NMNAT2: variants seen among roughly 807,000 people sequenced by gnomAD.
The protein encoded by NMNAT2 is nicotinamide nucleotide adenylyltransferase 2.
In NMNAT2, 11 loss-of-function variants were observed where a neutral mutation model predicts 41.6. The ratio of observed to expected loss-of-function variants is 0.26; its 90% CI spans 0.17 to 0.44. NMNAT2 has a LOEUF of 0.44. Ranked by LOEUF, NMNAT2 falls within the 20% of genes least tolerant of loss-of-function variation. NMNAT2 has a pLI of 1.00. For synonymous variants in NMNAT2, 148 were observed against 151.2 expected (o/e 0.98, Z 0.16); for missense variants, 288 against 407.7 (o/e 0.71, Z 2.53).
intron 1 of NMNAT2, among the ~76,000 whole-genome samples, chr1:183,338,085 T>C (rs1474119185): frequency 2.1e-5 from 3 of 142,972 alleles, no homozygotes; most frequent in African/African-American, 7.8e-5. Context: ...TCTGTAGTCC[T>C]AGCTACAGGA....
At chr1:183,330,804 A>G (rs1201784386) in intron 1 of NMNAT2, among the ~76,000 whole-genome samples, 2 of 152,172 alleles carry the variant, frequency 1.3e-5, no homozygotes, top group Middle Eastern at 3.2e-3. Context: ...TTCTATTCCA[A>G]TTGGCAGCTC....
intron 1 of NMNAT2, among the ~76,000 whole-genome samples, chr1:183,334,879 C>T (rs572945658): frequency 6.6e-6 from 1 of 152,238 alleles, no homozygotes; most frequent in South Asian, 2.1e-4. Context: ...TGGGAGACTC[C>T]ACGGTGCCCT....
intron 1 of NMNAT2, among the ~76,000 whole-genome samples, chr1:183,404,218 C>T (rs1648893701): frequency 6.6e-6 from 1 of 151,768 alleles, no homozygotes; most frequent in Admixed American, 6.6e-5. Context: ...CCTGCCTCAG[C>T]CTCCTGAGTA....
At chr1:183,282,166 C>T (rs1279177510) in intron 7 of NMNAT2, among the ~76,000 whole-genome samples, 1 of 152,236 alleles carries the variant, frequency 6.6e-6, no homozygotes, top group African/African-American at 2.4e-5. Flanking sequence ...CCACACTGTC[C>T]TTTCTCCATC....
chr1:183,353,244 G>T (rs1336509166), intron 1 of NMNAT2, among the ~76,000 whole-genome samples: 1 of 152,080 alleles, frequency 6.6e-6, no homozygotes, highest in East Asian at 1.9e-4. Flanking sequence ...CTGACCTCAA[G>T]ATCCACCCGC....
rs762026978 is a variant in NMNAT2 at position 183,418,202 on chromosome 1, T to C, written c.66A>G (p.Lys22=). Reference sequence around the variant, plus strand: ...ACTCACCAAACATCTGAATGTGCCCTTTGGTGATGGGATTGAAGCTGCCGC... The same window carrying C: ...ACTCACCAAACATCTGAATGTGCCCCTTGGTGATGGGATTGAAGCTGCCGC... ...LACGSFNPIT[K]GHIQMFERAR... is the part of the protein sequence containing the mutation. Residue 22 remains lysine, a synonymous_variant, in exon 1 of 11, where the codon AAA becomes AAG. Transcript: ENST00000287713. 1.9e-6 allele frequency: 3 copies of C among 1,613,342 alleles called. No homozygotes were observed. The highest frequency in any genetic ancestry group is 1.6e-4 in the Middle Eastern group (1 of 6,062).
chr1:183,263,246 A>T (rs1296238651), intron 8 of NMNAT2, among the ~76,000 whole-genome samples: 1 of 152,202 alleles, frequency 6.6e-6, no homozygotes, highest in Non-Finnish European at 1.5e-5. Context: ...CCCCCATTGG[A>T]TCATGTAATC....
chr1:183,281,903 T>C (rs1432330449), intron 7 of NMNAT2, among the ~76,000 whole-genome samples: 2 of 152,166 alleles, frequency 1.3e-5, no homozygotes, highest in Non-Finnish European at 2.9e-5. Context: ...GGCAGCGAGC[T>C]CCCTTCCAGC....
intron 1 of NMNAT2, among the ~76,000 whole-genome samples, chr1:183,305,359 G>A (rs1661970481): frequency 6.6e-6 from 1 of 152,042 alleles, no homozygotes; most frequent in Non-Finnish European, 1.5e-5. Context: ...ACAGGAGGAG[G>A]ACATGTGATG....
chr1:183,269,921 T>C (rs982063885), intron 8 of NMNAT2, among the ~76,000 whole-genome samples: 2 of 152,196 alleles, frequency 1.3e-5, no homozygotes, highest in Admixed American at 6.5e-5. Flanking sequence ...TCTCGCTCTG[T>C]AGCCCAGGCT....
chr1:183,343,034 T>C (rs966500525), intron 1 of NMNAT2, among the ~76,000 whole-genome samples: 5 of 152,096 alleles, frequency 3.3e-5, no homozygotes, highest in African/African-American at 1.2e-4. Context: ...CATTACACCA[T>C]CCAGCCTCAA....
intron 1 of NMNAT2, among the ~76,000 whole-genome samples, chr1:183,344,322 T>C (rs1007841490): frequency 1.3e-5 from 2 of 152,128 alleles, no homozygotes; most frequent in African/African-American, 2.4e-5. Flanking sequence ...AGGTACAGTA[T>C]AACAGGGATT....
Position 183,303,551 on chromosome 1 carries a change from A to G in NMNAT2, c.86-9758T>C, listed in dbSNP as rs145833059. The stretch of plus-strand genomic sequence containing the variant: ...ATTTGAACACAGAATTTTTGACTCT[A>G]AGGTGAGTGCTTATTCGATTTGGTC... On this transcript the variant is annotated intron_variant, in intron 1 of 10. Coordinates refer to ENST00000287713, the MANE Select transcript of NMNAT2 (RefSeq NM_015039.4). Among the ~76,000 whole-genome samples the G allele has an allele frequency of 9.8e-5, 15 of 152,330 alleles. No homozygotes were observed. In the East Asian group the frequency reaches 2.9e-3, roughly 29 times the overall value.
chr1:183,352,421 G>A (rs888413020), intron 1 of NMNAT2, among the ~76,000 whole-genome samples: 2 of 152,000 alleles, frequency 1.3e-5, no homozygotes, highest in African/African-American at 4.8e-5. Context: ...AAATCAGCCA[G>A]GTGTAGTGGC....
intron 1 of NMNAT2, among the ~76,000 whole-genome samples, chr1:183,343,201 G>A (rs1459215019): frequency 2.0e-5 from 3 of 152,132 alleles, no homozygotes; most frequent in African/African-American, 7.2e-5. Context: ...ACCAAGCCGT[G>A]TACTGGTGAT....
rs543647140 is a variant in NMNAT2 at position 183,289,586 on chromosome 1, G to A, written c.321+542C>T. ...TTACCCACTAATAAAACAGGCATCAGACACCATCTGCCTGTGGGGCTCTTG... is the reference window on the plus strand; with the variant it reads ...TTACCCACTAATAAAACAGGCATCAAACACCATCTGCCTGTGGGGCTCTTG... On this transcript the variant is annotated intron_variant, in intron 4 of 10. Coordinates refer to ENST00000287713, the MANE Select transcript of NMNAT2 (RefSeq NM_015039.4). 1.4e-3 allele frequency among the ~76,000 whole-genome samples: 217 copies of A among 152,352 alleles called. 1 individual carries two copies. The highest frequency in any genetic ancestry group is 4.9e-3 in the African/African-American group (204 of 41,586).
chr1:183,402,200 G>C (rs1203306097), intron 1 of NMNAT2, among the ~76,000 whole-genome samples: 1 of 152,140 alleles, frequency 6.6e-6, no homozygotes, highest in African/African-American at 2.4e-5. Context: ...GACTAGGAGA[G>C]ACCAGAGACC....
Position 183,367,389 on chromosome 1 carries a change from T to C in NMNAT2, c.85+50794A>G, listed in dbSNP as rs191882204. The stretch of plus-strand genomic sequence containing the variant: ...AGGAGAATCGCTTGAACCCAGGAGG[T>C]GAAGTTTGCAGTGAGCCGAGATCGT... On this transcript the variant is annotated intron_variant, in intron 1 of 10. Coordinates refer to ENST00000287713, the MANE Select transcript of NMNAT2 (RefSeq NM_015039.4). Among the ~76,000 whole-genome samples the C allele has an allele frequency of 3.9e-4, 60 of 151,910 alleles. 2 individuals carry two copies. In the East Asian group the frequency reaches 0.011, roughly 27 times the overall value.
chr1:183,251,284 C>T lies in NMNAT2; in HGVS notation c.*1357G>A, dbSNP rs200242551. Reference sequence around the variant, plus strand: ...GCTAGAACCAACCACAGAAACAAGACCAAGGCACTGCTTCTCAAGAAGAAA... The same window carrying T: ...GCTAGAACCAACCACAGAAACAAGATCAAGGCACTGCTTCTCAAGAAGAAA... On this transcript the variant is annotated 3_prime_UTR_variant, in exon 11 of 11. Coordinates refer to ENST00000287713, the MANE Select transcript of NMNAT2 (RefSeq NM_015039.4). 3 of 152,232 alleles carry T rather than the reference C, an allele frequency of 2.0e-5. No individual in the cohort carries two copies. Among genetic ancestry groups the T allele is most frequent in the Non-Finnish European group, 4.4e-5 (3 of 68,106 alleles). The allele number at this position is 152,232 out of a possible 1,614,324, so 9.4% of individuals were successfully genotyped here.
Sources: allele counts gnomAD v4.1 joint callset (sites outside exome capture counted in the v4.1 genomes callset), GRCh38; gene constraint gnomAD v4.1.1; transcripts MANE v1.5; gene names NCBI Gene and HGNC (gene_info 2026-07-23, HGNC 2026-07-21).